Variants in DPYD observed in about 807,000 individuals in gnomAD.
DPYD encodes dihydropyrimidine dehydrogenase.
In DPYD, 109 loss-of-function variants were observed where a neutral mutation model predicts 116.2. That is an observed-to-expected ratio of 0.94 (90% CI 0.80 to 1.10). DPYD has a LOEUF of 1.10. DPYD is among the 50% of genes least tolerant of loss of function. The pLI is 0.00. For synonymous variants in DPYD, 440 were observed against 432.0 expected, an observed-to-expected ratio of 1.02 and a Z score of -0.23; for missense variants, 1,302 against 1,254.5, an observed-to-expected ratio of 1.04 and a Z score of -0.57.
intron 19 of DPYD, among the ~76,000 whole-genome samples, chr1:97,217,869 A>T (rs1660517613): frequency 6.6e-6 from 1 of 152,174 alleles, no homozygotes; most frequent in African/African-American, 2.4e-5. Context: ...AGATACTCGG[A>T]GGACTGAGAC....
chr1:97,185,150 T>C (rs74104304), intron 20 of DPYD, among the ~76,000 whole-genome samples: 4,714 of 152,064 alleles, frequency 0.031, 237 homozygotes, highest in African/African-American at 0.11. Flanking sequence ...AAGAAATCAA[T>C]TAAAAAATTA....
intron 13 of DPYD, among the ~76,000 whole-genome samples, chr1:97,503,324 A>G (rs1034745991): frequency 1.3e-5 from 2 of 151,994 alleles, no homozygotes; most frequent in African/African-American, 4.8e-5. Flanking sequence ...GAGTATTGTA[A>G]AAGATCCAAA....
chr1:97,608,103 A>G (rs79763638), intron 8 of DPYD, among the ~76,000 whole-genome samples: 1,986 of 152,028 alleles, frequency 0.013, 21 homozygotes, highest in Middle Eastern at 0.024. Context: ...TTGGACAAGT[A>G]TGAAAAGAAT....
At chr1:97,714,456 GC>G (rs1259536523) in intron 5 of DPYD, among the ~76,000 whole-genome samples, 1 of 151,862 alleles carries the variant, frequency 6.6e-6, no homozygotes, top group South Asian at 2.1e-4. Flanking sequence ...TGATCCGCCT[GC>G]CTCGGCCTCC....
chr1:97,606,099 A>C (rs1366295776), intron 8 of DPYD, among the ~76,000 whole-genome samples: 1 of 151,996 alleles, frequency 6.6e-6, no homozygotes, highest in Non-Finnish European at 1.5e-5. Context: ...TATCATATTC[A>C]ACTTTTGGAT....
rs116033899 is a variant in DPYD, at chr1:97,779,083, C to A, written c.234-38604G>T. Among the ~76,000 whole-genome samples the A allele has an allele frequency of 6.9e-3, 1,046 of 152,108 alleles. 10 individuals carry two copies. The highest frequency in any genetic ancestry group is 0.024 in the African/African-American group (989 of 41,544). On this transcript the variant is annotated intron_variant, in intron 3 of 22. Transcript: ENST00000370192. ...TTTAAGTTATTAGCTCTATTGAAAG[C>A]AACCTGAGAGAAAAACACTACATTT...
intron 10 of DPYD, among the ~76,000 whole-genome samples, chr1:97,577,515 G>A (rs905649113): frequency 6.6e-5 from 10 of 152,042 alleles, no homozygotes; most frequent in East Asian, 1.9e-4. Context: ...GCACTGGCCC[G>A]CAGGTCCCAT....
intron 13 of DPYD, among the ~76,000 whole-genome samples, chr1:97,469,424 A>AAAAAAAAAAAAAAAAAAAC (rs1677515898): frequency 8.1e-6 from 1 of 123,048 alleles, no homozygotes; most frequent in Non-Finnish European, 1.8e-5. Context: ...AAAAAAAAAA[A>AAAAAAAAAAAAAAAAAAAC]AAAAGACAAA....
intron 14 of DPYD, among the ~76,000 whole-genome samples, chr1:97,391,048 CTTTTT>C (rs571016808): frequency 7.5e-6 from 1 of 132,474 alleles, no homozygotes; most frequent in African/African-American, 2.8e-5. Flanking sequence ...TACTTTTCCT[CTTTTT>C]TTTTTTTTTT....
At chr1:97,413,060 T>C (rs1674097944) in intron 14 of DPYD, among the ~76,000 whole-genome samples, 1 of 152,174 alleles carries the variant, frequency 6.6e-6, no homozygotes, top group Middle Eastern at 3.2e-3. Context: ...TATGCTACAC[T>C]TTTCAACTAC....
intron 18 of DPYD, among the ~76,000 whole-genome samples, chr1:97,282,119 T>C (rs1301218871): frequency 6.6e-6 from 1 of 152,128 alleles, no homozygotes; most frequent in African/African-American, 2.4e-5. Context: ...CTGAGGGATG[T>C]TGTAAGAGAA....
intron 3 of DPYD, among the ~76,000 whole-genome samples, chr1:97,799,155 G>T (rs184543388): frequency 6.6e-6 from 1 of 151,888 alleles, no homozygotes; most frequent in Non-Finnish European, 1.5e-5. Context: ...GGCCAAGCTT[G>T]TTCCTATATC....
chr1:97,581,745 C>CAAAAA (rs1226325704), intron 10 of DPYD, among the ~76,000 whole-genome samples: 125 of 62,758 alleles, frequency 2.0e-3, no homozygotes, highest in African/African-American at 2.8e-3. Flanking sequence ...GATCCTGTCT[C>CAAAAA]AAAAAAAAAA....
intron 20 of DPYD, among the ~76,000 whole-genome samples, chr1:97,161,832 T>A: frequency 6.6e-6 from 1 of 150,746 alleles, no homozygotes; most frequent in Non-Finnish European, 1.5e-5. Flanking sequence ...TTTGGTTTTT[T>A]GTCCTTGCGA....
chr1:97,731,799 T>C (rs964803727), intron 4 of DPYD, among the ~76,000 whole-genome samples: 2 of 151,964 alleles, frequency 1.3e-5, no homozygotes, highest in Admixed American at 1.3e-4. Context: ...ATGTGTTTCT[T>C]ATACAGATTT....
At chr1:97,549,830 G>C in intron 11 of DPYD, 86 bp from the exon 12 acceptor site, 6 of 1,223,132 alleles carry the variant, frequency 4.9e-6, no homozygotes, top group South Asian at 2.8e-5. Flanking sequence ...AAAAATTATG[G>C]TTTAATTATT....
intron 5 of DPYD, among the ~76,000 whole-genome samples, chr1:97,709,402 T>A (rs1662160033): frequency 6.6e-6 from 1 of 151,812 alleles, no homozygotes; most frequent in Admixed American, 6.6e-5. Context: ...TGGTATATAT[T>A]TTTTTAATTT....
At chr1:97,588,023 T>C (rs1654260786) in intron 10 of DPYD, among the ~76,000 whole-genome samples, 1 of 152,134 alleles carries the variant, frequency 6.6e-6, no homozygotes. Context: ...AGGCACATTC[T>C]TTTAAATGTT....
chr1:97,549,599 A>G lies in DPYD; in HGVS notation c.1485T>C (p.Asp495=), dbSNP rs1557790751. ...GAATGTACCAAGAAGCTTGCTTTCCATCATTCACCGATTCCACTGTAGTGT... is the reference window on the plus strand; with the variant it reads ...GAATGTACCAAGAAGCTTGCTTTCCGTCATTCACCGATTCCACTGTAGTGT... ...LANTTVESVN[D]GKQASWYIHK... is the part of the protein sequence containing the mutation. Residue 495 remains aspartate (D), a synonymous_variant, in exon 12 of 23, where the codon GAT becomes GAC. Coordinates refer to ENST00000370192, the MANE Select transcript of DPYD (RefSeq NM_000110.4). The G allele has an allele frequency of 1.9e-6, 3 of 1,613,886 alleles. No individual in the cohort carries two copies. Among genetic ancestry groups the G allele is most frequent in the Admixed American group, 3.3e-5 (2 of 59,976 alleles).
Sources: gnomAD v4.1 joint callset for allele counts (sites outside exome capture counted in the v4.1 genomes callset) on GRCh38, gnomAD v4.1.1 for gene constraint, MANE v1.5 for transcripts, NCBI Gene and HGNC (gene_info 2026-07-23, HGNC 2026-07-21) for gene names.